The following AGAP1 variants were observed in gnomAD, a reference collection of about 807,000 sequenced individuals.
The protein encoded by AGAP1 is ArfGAP with GTPase domain, ankyrin repeat and PH domain 1.
In AGAP1, 29 loss-of-function variants were observed where a neutral mutation model predicts 105.3. The ratio of observed to expected loss-of-function variants is 0.28; its 90% confidence interval spans 0.21 to 0.38. The LOEUF is 0.38. Ranked by LOEUF, AGAP1 falls within the 10% of genes least tolerant of loss-of-function variation. The pLI, the probability that AGAP1 is intolerant of heterozygous loss-of-function variation, is 1.00. For missense variants in AGAP1, 998 were observed against 1,165.1 expected, an observed-to-expected ratio of 0.86 and a Z score of 2.09; for synonymous variants, 509 against 485.9, an observed-to-expected ratio of 1.05 and a Z score of -0.63.
rs1447130916 is a variant in AGAP1, at chr2:235,600,707, C to T, written c.163+105858C>T. On this transcript the variant is annotated intron_variant, in intron 1 of 17. Transcript: ENST00000304032. This position sits in a 1 kb window ranked among gnomAD's most constrained non-coding sequence, Gnocchi z 4.8. ...GGAGGCTAAGCCAGTCTTGCCTGTT[C>T]ATGTTTTTCTGCCTGCTTTATATTT... Among the ~76,000 whole-genome samples, 1 of 152,144 alleles carries T rather than the reference C, an allele frequency of 6.6e-6. No individual in the cohort carries two copies. The highest frequency in any genetic ancestry group is 1.5e-5 in the Non-Finnish European group (1 of 68,026).
At chr2:235,681,998 C>T (rs1046531817) in intron 1 of AGAP1, among the ~76,000 whole-genome samples, 14 of 151,634 alleles carry the variant, frequency 9.2e-5, no homozygotes, top group South Asian at 2.1e-4. Flanking sequence ...TACAGGCATC[C>T]GCCACCACGC....
rs2055657704 is a variant in AGAP1, at chr2:235,993,390, A to G, written c.1645+24767A>G. Reference sequence around the variant, plus strand: ...AGAAGGCAGGAGACTCGTCTCAGATATTTCCTGGTGTCCCTGAAAGTCCAG... The same window carrying G: ...AGAAGGCAGGAGACTCGTCTCAGATGTTTCCTGGTGTCCCTGAAAGTCCAG... On this transcript the variant is annotated intron_variant, in intron 13 of 17. Transcript: ENST00000304032. This position sits in a 1 kb window ranked among gnomAD's most constrained non-coding sequence, Gnocchi z 5.0. Among the ~76,000 whole-genome samples, 1 of 152,180 alleles carries G rather than the reference A, an allele frequency of 6.6e-6. No homozygotes were observed. The highest frequency in any genetic ancestry group is 2.1e-4 in the South Asian group (1 of 4,832).
Position 235,989,110 on chromosome 2 carries a change from AGAT to A in AGAP1, c.1645+20498_1645+20500del, listed in dbSNP as rs1031751789. On this transcript the variant is annotated intron_variant, in intron 13 of 17. Transcript: ENST00000304032. This position sits in a 1 kb window ranked among gnomAD's most constrained non-coding sequence, Gnocchi z 4.4. ...TCCTTCAAATAATAATGTGAGATGA[AGAT>A]GATGATGATGGTTGTTGTTATTTAA... 6.6e-6 allele frequency among the ~76,000 whole-genome samples: 1 copy of A among 152,176 alleles called. No individual in the cohort carries two copies. Among genetic ancestry groups the A allele is most frequent in the African/African-American group, 2.4e-5 (1 of 41,442 alleles).
At position 235,701,983 on chromosome 2, in the gene AGAP1, T is replaced by A. The variant is rs906716997; in HGVS notation, c.164-7196T>A. 6.6e-6 allele frequency among the ~76,000 whole-genome samples: 1 copy of A among 152,220 alleles called. No homozygotes were observed. The highest frequency in any genetic ancestry group is 1.5e-5 in the Non-Finnish European group (1 of 68,038). ...CTAAAAATAATAGTTAAAATCCTTG[T>A]GACGTTTAAGGTTTTCAAAGAAAAT... On this transcript the variant is annotated intron_variant, in intron 1 of 17. Transcript: ENST00000304032. This position sits in a 1 kb window ranked among gnomAD's most constrained non-coding sequence, Gnocchi z 4.1.
chr2:235,917,568 C>G (rs1431508791), intron 11 of AGAP1, among the ~76,000 whole-genome samples: 1 of 152,050 alleles, frequency 6.6e-6, no homozygotes, highest in Non-Finnish European at 1.5e-5. Context: ...TCCGCCGTGA[C>G]AGGGACCGGG....
Position 236,129,072 on chromosome 2 carries a change from C to T in AGAP1, c.*4950C>T, listed in dbSNP as rs900448111. On this transcript the variant is annotated 3_prime_UTR_variant, in exon 18 of 18. Transcript: ENST00000304032. This position sits in a 1 kb window ranked among gnomAD's most constrained non-coding sequence, Gnocchi z 6.2. ...GTGAAGTCACATCTTGAATGACTGT[C>T]ACCCTCATCCTTCCCCAAAAAGCTA... 7 of 152,232 alleles carry T rather than the reference C, an allele frequency of 4.6e-5. No homozygotes were observed. The highest frequency in any genetic ancestry group is 1.0e-4 in the Non-Finnish European group (7 of 68,038). 9.4% of individuals were successfully genotyped at this position (152,232 alleles called of 1,614,324 possible). A position where few individuals can be genotyped will look rare whatever the true frequency, so the allele number is the denominator to read the frequency against.
chr2:235,774,201 A>G (rs751545972), intron 6 of AGAP1: 8 of 386,468 alleles, frequency 2.1e-5, no homozygotes, highest in African/African-American at 4.3e-5. Context: ...TCTTCTGTAA[A>G]GTATGGCACA....
chr2:235,862,635 A>G (rs2048976414), intron 9 of AGAP1, among the ~76,000 whole-genome samples: 2 of 152,246 alleles, frequency 1.3e-5, no homozygotes, highest in African/African-American at 4.8e-5. Context: ...ACTAAAATTG[A>G]CACATGGCTG....
rs975438729 is a variant in AGAP1, at chr2:235,620,704, G to A, written c.164-88475G>A. Among the ~76,000 whole-genome samples, 1 of 152,140 alleles carries A rather than the reference G, an allele frequency of 6.6e-6. No individual in the cohort carries two copies. Among genetic ancestry groups the A allele is most frequent in the East Asian group, 1.9e-4 (1 of 5,170 alleles). On this transcript the variant is annotated intron_variant, in intron 1 of 17. Transcript: ENST00000304032. This position sits in a 1 kb window ranked among gnomAD's most constrained non-coding sequence, Gnocchi z 4.5. ...TGGTGTCTCTCTCTCCCCACTGGATGGAATATAAGGGCTTGTGTTTGCCGT... is the reference window on the plus strand; with the variant it reads ...TGGTGTCTCTCTCTCCCCACTGGATAGAATATAAGGGCTTGTGTTTGCCGT...
chr2:235,861,468 A>C (rs2048925189), intron 9 of AGAP1, among the ~76,000 whole-genome samples: 1 of 152,204 alleles, frequency 6.6e-6, no homozygotes. Flanking sequence ...AACAGCATGC[A>C]ATCTCTGTTA....
At position 235,919,417 on chromosome 2, in the gene AGAP1, G is replaced by T. The variant is rs1326606549; in HGVS notation, c.1324+10511G>T. ...CGTTTCTGGAGTATTTCTAGGGAGT[G>T]GTCAAACCCCGTAACATCCCAACCA... On this transcript the variant is annotated intron_variant, in intron 11 of 17. Transcript: ENST00000304032. This position sits in a 1 kb window ranked among gnomAD's most constrained non-coding sequence, Gnocchi z 4.1. Among the ~76,000 whole-genome samples the T allele has an allele frequency of 4.6e-5, 7 of 152,100 alleles. No homozygotes were observed. Among genetic ancestry groups the T allele is most frequent in the African/African-American group, 1.7e-4 (7 of 41,412 alleles).
In AGAP1 at chr2:235,964,223, G is replaced by A. The variant is rs2054299702; in HGVS notation, c.1484-4239G>A. 6.6e-6 allele frequency among the ~76,000 whole-genome samples: 1 copy of A among 152,116 alleles called. No homozygotes were observed. The highest frequency in any genetic ancestry group is 6.6e-5 in the Admixed American group (1 of 15,266). On this transcript the variant is annotated intron_variant, in intron 12 of 17. Transcript: ENST00000304032. This position sits in a 1 kb window ranked among gnomAD's most constrained non-coding sequence, Gnocchi z 4.6. ...AGGACGCACAGTTGGGGATGAACAT[G>A]GCCTGTCGAAATGAGAGGACACCCA...
intron 13 of AGAP1, among the ~76,000 whole-genome samples, chr2:236,033,701 G>A (rs1487547912): frequency 3.3e-5 from 5 of 152,320 alleles, no homozygotes; most frequent in Admixed American, 6.5e-5. Context: ...TGCCTAGCAC[G>A]TTGGGGAGGG....
At chr2:235,597,317 A>G (rs1945557628) in intron 1 of AGAP1, among the ~76,000 whole-genome samples, 2 of 152,210 alleles carry the variant, frequency 1.3e-5, no homozygotes, top group African/African-American at 4.8e-5. Context: ...CCACTCTGCA[A>G]GCACAGCTCC....
rs1447527009 is a variant in AGAP1 at position 235,777,939 on chromosome 2, T to TC, written c.674-19818dup. On this transcript the variant is annotated intron_variant, in intron 6 of 17. Transcript: ENST00000304032. This position sits in a 1 kb window ranked among gnomAD's most constrained non-coding sequence, Gnocchi z 5.1. ...TTGTAGTGGTTGGAAGGAGGGGACTTCCTTGGCCCCTCCTGGCTCTGCCCT... is the reference window on the plus strand; with the variant it reads ...TTGTAGTGGTTGGAAGGAGGGGACTTCCCTTGGCCCCTCCTGGCTCTGCCCT... 5.3e-5 allele frequency among the ~76,000 whole-genome samples: 8 copies of TC among 152,170 alleles called. No individual in the cohort carries two copies.
chr2:235,763,422 A>T (rs1954635460), intron 6 of AGAP1, among the ~76,000 whole-genome samples: 1 of 152,204 alleles, frequency 6.6e-6, no homozygotes, highest in Non-Finnish European at 1.5e-5. Flanking sequence ...AGCAAACAGA[A>T]CAGCTTTTGG....
Position 235,600,553 on chromosome 2 carries a change from A to G in AGAP1, c.163+105704A>G, listed in dbSNP as rs1408583628. ...TTAAGGAGTATTAACTCACAGGATC[A>G]CAAGGTCCCACAATAGGCTGGCTGC... On this transcript the variant is annotated intron_variant, in intron 1 of 17. Transcript: ENST00000304032. The surrounding 1 kb of genome is among the most constrained non-coding windows in gnomAD (Gnocchi z 4.8). Among the ~76,000 whole-genome samples, 1 of 152,212 alleles carries G rather than the reference A, an allele frequency of 6.6e-6. No individual in the cohort carries two copies. The highest frequency in any genetic ancestry group is 2.4e-5 in the African/African-American group (1 of 41,442).
rs1559350780 is a variant in AGAP1, at chr2:235,686,639, ATATATAGATATATATATATATATATATT to A, written c.164-22538_164-22511del. On this transcript the variant is annotated intron_variant, in intron 1 of 17. Coordinates refer to ENST00000304032, the MANE Select transcript of AGAP1 (RefSeq NM_001037131.3). The stretch of plus-strand genomic sequence containing the variant: ...GATATAGATATATATATATATATAT[ATATATAGATATATATATATATATATATT>A]TTTTTTTTTTTTTAGACAGAGTCTT... 5.9e-4 allele frequency among the ~76,000 whole-genome samples: 27 copies of A among 45,430 alleles called. 1 individual carries two copies. Among genetic ancestry groups the A allele is most frequent in the South Asian group, 3.7e-3 (5 of 1,362 alleles). 29.8% of individuals were successfully genotyped at this position (45,430 alleles called of 152,430 possible). A position where few individuals can be genotyped will look rare whatever the true frequency, so the allele number is the denominator to read the frequency against.
intron 1 of AGAP1, among the ~76,000 whole-genome samples, chr2:235,497,861 G>C (rs1179197357): frequency 2.0e-5 from 3 of 152,156 alleles, no homozygotes; most frequent in Non-Finnish European, 1.5e-5. Flanking sequence ...CTCCCAAAGT[G>C]CTGGGATTAC....
Sources: gnomAD v4.1 joint callset for allele counts (sites outside exome capture counted in the v4.1 genomes callset) on GRCh38, gnomAD v4.1.1 for gene constraint, Gnocchi (gnomAD v3.1) non-coding constraint, MANE v1.5 for transcripts, NCBI Gene and HGNC (gene_info 2026-07-23, HGNC 2026-07-21) for gene names.